CCDC66: variants seen among roughly 807,000 people sequenced by gnomAD.
The protein encoded by CCDC66 is coiled-coil domain-containing protein 66.
A neutral mutation model predicts 128.3 loss-of-function variants in CCDC66; 133 were observed. The observed-to-expected ratio is 1.04, with a 90% confidence interval of 0.90 to 1.20. The LOEUF is 1.20. Ranked by LOEUF, CCDC66 falls within the 50% of genes most tolerant of loss-of-function variation. The probability of loss-of-function intolerance (pLI) is 0.00; values close to 1 mark genes in which losing one functional copy is unlikely to be tolerated. For missense variants in CCDC66, 1,126 were observed against 1,075.5 expected (o/e 1.05, Z -0.66); for synonymous variants, 387 against 357.0 (o/e 1.08, Z -0.95).
At chr3:56,569,521 TG>T (rs2107827235) in intron 6 of CCDC66, 1 of 156,614 alleles carries the variant, frequency 6.4e-6, no homozygotes, top group East Asian at 1.8e-4. Context: ...AAGCCATTCA[TG>T]AGGGATTCAT....
rs1446323388 is a variant in CCDC66, at chr3:56,613,669, A to G, written c.1485A>G (p.Glu495=). 3.7e-6 allele frequency: 6 copies of G among 1,614,154 alleles called. No homozygotes were observed. The highest frequency in any genetic ancestry group is 1.6e-4 in the Middle Eastern group (1 of 6,062). Residue 495 remains glutamate, a synonymous_variant, in exon 11 of 18, where the codon GAA becomes GAG. Transcript: ENST00000394672. ...AGCAAAGAAAGAAGGAAGAACAAGA[A>G]GAGGAGCTTCGCTTAGCACAGGAAC... ...EEEQRKKEEQ[E]EELRLAQERE...
chr3:56,619,244 ATTT>A (rs766891307), intron 15 of CCDC66, 24 bp from the exon 16 acceptor site: 1 of 1,505,024 alleles, frequency 6.6e-7, no homozygotes, highest in Non-Finnish European at 8.9e-7. Context: ...TAAATACACA[ATTT>A]TTTACTATTT....
intron 10 of CCDC66, among the ~76,000 whole-genome samples, chr3:56,602,086 T>A (rs1271678966): frequency 2.0e-5 from 3 of 152,122 alleles, no homozygotes; most frequent in African/African-American, 7.3e-5. Context: ...GCCCATTCAG[T>A]ATGATATTGG....
chr3:56,619,536 A>G lies in CCDC66; in HGVS notation c.2635+9A>G, dbSNP rs1232653227. 1.3e-6 allele frequency: 2 copies of G among 1,592,850 alleles called. No individual in the cohort carries two copies. Among genetic ancestry groups the G allele is most frequent in the South Asian group, 1.1e-5 (1 of 87,208 alleles). ...GTACCAAAATTCACAAGGTAAGTAA[A>G]TATTAAGCATTCTAACTGTAAAAAT... On this transcript the variant is annotated intron_variant, in intron 16 of 17. Transcript: ENST00000394672.
intron 17 of CCDC66, chr3:56,621,166 A>G (rs2076506946): frequency 6.5e-6 from 1 of 154,700 alleles, no homozygotes; most frequent in Non-Finnish European, 1.4e-5. Context: ...CTCCAAAAAA[A>G]AACAAAACAA....
intron 12 of CCDC66, chr3:56,615,504 G>A (rs1273223062): frequency 9.2e-6 from 4 of 435,672 alleles, no homozygotes; most frequent in Middle Eastern, 6.2e-4. Flanking sequence ...CTCCCAAAGT[G>A]TTGGGATTAC....
intron 7 of CCDC66, among the ~76,000 whole-genome samples, chr3:56,579,103 A>C (rs1003539270): frequency 4.6e-5 from 7 of 151,816 alleles, no homozygotes; most frequent in African/African-American, 1.7e-4. Context: ...TTATTGGTCT[A>C]TTCAGGGATT....
chr3:56,559,243 G>C (rs953625416), intron 2 of CCDC66, among the ~76,000 whole-genome samples: 9 of 152,084 alleles, frequency 5.9e-5, no homozygotes, highest in Admixed American at 3.9e-4. Context: ...TGTATCATTT[G>C]AGAAAAGTTT....
chr3:56,564,027 T>C lies in CCDC66; in HGVS notation c.446T>C (p.Leu149Ser), dbSNP rs751101219. 7.4e-6 allele frequency: 12 copies of C among 1,614,052 alleles called. No homozygotes were observed. Among genetic ancestry groups the C allele is most frequent in the South Asian group, 1.1e-5 (1 of 91,086 alleles). Residue 149 changes from leucine (L) to serine (S), a missense_variant, in exon 4 of 18, where the codon TTG (leucine) becomes TCG (serine). Physicochemically the swap from Leu to Ser is moderately radical, Grantham distance 145. Coordinates refer to ENST00000394672, the MANE Select transcript of CCDC66 (RefSeq NM_001141947.3). ...ACAGCTGAAAACATGAAGAGCAGTT[T>C]GGTGTGTCTAACACAAGACCAACTA... ...HITAENMKSS[L>S]VCLTQDQLQQ...
chr3:56,586,511 C>G (rs529329666), intron 7 of CCDC66, among the ~76,000 whole-genome samples: 1 of 142,380 alleles, frequency 7.0e-6, no homozygotes, highest in South Asian at 2.2e-4. Context: ...GGCCTGGGGG[C>G]AGAGCAAGAC....
chr3:56,575,502 A>G (rs912716658), intron 7 of CCDC66, among the ~76,000 whole-genome samples: 12 of 151,848 alleles, frequency 7.9e-5, no homozygotes, highest in African/African-American at 2.9e-4. Flanking sequence ...TGTCAGATAC[A>G]TGATTCACAA....
At chr3:56,586,353 C>T (rs2069721482) in intron 7 of CCDC66, among the ~76,000 whole-genome samples, 1 of 150,840 alleles carries the variant, frequency 6.6e-6, no homozygotes, top group South Asian at 2.1e-4. Context: ...ATGGTGAAAC[C>T]CCATCTCTAC....
Position 56,597,776 on chromosome 3 carries a change from G to GTTTT in CCDC66, c.1404+3748_1404+3749insTTTT, listed in dbSNP as rs753875788. On this transcript the variant is annotated intron_variant, in intron 10 of 17. Coordinates refer to ENST00000394672, the MANE Select transcript of CCDC66 (RefSeq NM_001141947.3). ...TTGTGGAGTCTAGGTTTTGTTTTGG[G>GTTTT]GTTTTTTTTTTTTTTTGAGACAGAG... is the stretch of plus-strand genomic sequence containing the variant. Among the ~76,000 whole-genome samples, 27 of 61,866 alleles carry GTTTT rather than the reference G, an allele frequency of 4.4e-4. 4 individuals are homozygous for GTTTT. The highest frequency in any genetic ancestry group is 4.4e-4 in the Non-Finnish European group (17 of 38,246). The allele number at this position is 61,866 out of a possible 152,430, so 40.6% of individuals were successfully genotyped here. A position where few individuals can be genotyped will look rare whatever the true frequency, so the allele number is the denominator to read the frequency against.
At chr3:56,565,131 T>C (rs73081810) in intron 4 of CCDC66, 165,685 of 419,478 alleles carry the variant, frequency 0.39, 39,247 homozygotes, top group Non-Finnish European at 0.53. Flanking sequence ...TTTGATATTA[T>C]AGCTGGGCAT....
intron 7 of CCDC66, among the ~76,000 whole-genome samples, chr3:56,576,106 TAG>T (rs1439965551): frequency 6.6e-6 from 1 of 151,688 alleles, no homozygotes; most frequent in African/African-American, 2.4e-5. Context: ...ATTGAAACTG[TAG>T]ATTGCTTTGG....
chr3:56,578,034 A>T (rs1445128724), intron 7 of CCDC66, among the ~76,000 whole-genome samples: 1 of 151,818 alleles, frequency 6.6e-6, no homozygotes, highest in Admixed American at 6.6e-5. Context: ...CACAATATTG[A>T]TTCTTCCTAT....
At chr3:56,601,121 CTT>C (rs1404925328) in intron 10 of CCDC66, among the ~76,000 whole-genome samples, 9 of 152,034 alleles carry the variant, frequency 5.9e-5, no homozygotes, top group African/African-American at 2.2e-4. Context: ...ACGTTTAAGT[CTT>C]TATTCCATCT....
chr3:56,601,852 G>A (rs2073222522), intron 10 of CCDC66, among the ~76,000 whole-genome samples: 1 of 152,078 alleles, frequency 6.6e-6, no homozygotes, highest in African/African-American at 2.4e-5. Context: ...TTGCTTATCA[G>A]CTTAAGGAGA....
chr3:56,596,622 C>A (rs990782823), intron 10 of CCDC66, among the ~76,000 whole-genome samples: 1 of 151,850 alleles, frequency 6.6e-6, no homozygotes, highest in African/African-American at 2.4e-5. Context: ...TAGCCCTATT[C>A]GTATGTTTTT....
Sources: allele counts gnomAD v4.1 joint callset (sites outside exome capture counted in the v4.1 genomes callset), GRCh38; gene constraint gnomAD v4.1.1; transcripts MANE v1.5; gene names NCBI Gene and HGNC (gene_info 2026-07-23, HGNC 2026-07-21).